The following CSMD1 variants were observed in gnomAD, a reference collection of about 807,000 sequenced individuals.
The protein encoded by CSMD1 is CUB and sushi domain-containing protein 1.
A neutral mutation model predicts 417.5 loss-of-function variants in CSMD1; 213 were observed. That is an observed-to-expected ratio of 0.51 (90% CI 0.46 to 0.57). The LOEUF (loss-of-function observed/expected upper bound fraction) is 0.57. Among genes scored for constraint, CSMD1 ranks in the 20% least tolerant of loss-of-function variants. The pLI is 0.00. For synonymous variants in CSMD1, 2,862 were observed against 1,736.8 expected (o/e 1.65, Z -16.11); for missense variants, 6,923 against 4,529.7 (o/e 1.53, Z -15.17).
chr8:4,141,483 T>C (rs1473896713), intron 3 of CSMD1, among the ~76,000 whole-genome samples: 1 of 151,132 alleles, frequency 6.6e-6, no homozygotes, highest in Non-Finnish European at 1.5e-5. Flanking sequence ...CAATATGCCA[T>C]TTGGTCTTCA....
chr8:4,170,640 T>C (rs1037569372), intron 3 of CSMD1, among the ~76,000 whole-genome samples: 1 of 151,858 alleles, frequency 6.6e-6, no homozygotes, highest in Non-Finnish European at 1.5e-5. Context: ...ATTTGTTTTA[T>C]TACATTCACT....
chr8:3,019,608 G>A (rs1052070320), intron 51 of CSMD1, among the ~76,000 whole-genome samples: 2 of 152,164 alleles, frequency 1.3e-5, no homozygotes, highest in Non-Finnish European at 2.9e-5. Flanking sequence ...AAACTAAAAC[G>A]TGCATACAAA....
intron 1 of CSMD1, among the ~76,000 whole-genome samples, chr8:4,648,045 G>A (rs1209906525): frequency 6.6e-6 from 1 of 152,136 alleles, no homozygotes; most frequent in Non-Finnish European, 1.5e-5. Context: ...GTGGAAAAGT[G>A]TTTCTATTTC....
intron 3 of CSMD1, among the ~76,000 whole-genome samples, chr8:4,292,069 T>C (rs186314791): frequency 3.2e-4 from 48 of 152,124 alleles, no homozygotes; most frequent in Non-Finnish European, 1.0e-4. Flanking sequence ...GATCATTCAA[T>C]GAAAACACCA....
At chr8:4,964,582 G>A (rs375969522) in intron 1 of CSMD1, among the ~76,000 whole-genome samples, 74 of 149,734 alleles carry the variant, frequency 4.9e-4, no homozygotes, top group African/African-American at 1.8e-3. Flanking sequence ...AACCAAGAAG[G>A]ACAAGAAGGA....
At chr8:4,786,385 C>T (rs141221091) in intron 1 of CSMD1, among the ~76,000 whole-genome samples, 1 of 152,280 alleles carries the variant, frequency 6.6e-6, no homozygotes, top group Non-Finnish European at 1.5e-5. Context: ...GCAGAACATG[C>T]ATCGGTCAAG....
chr8:3,361,857 A>T (rs62504815), intron 20 of CSMD1, among the ~76,000 whole-genome samples: 7,052 of 152,180 alleles, frequency 0.046, 196 homozygotes, highest in Middle Eastern at 0.092. Flanking sequence ...CTGAAACAAC[A>T]CCATGAGGTT....
rs553229144 is a variant in CSMD1, at chr8:4,885,632, T to G, written c.85+108700A>C. Among the ~76,000 whole-genome samples the G allele has an allele frequency of 8.1e-4, 123 of 152,078 alleles. 2 individuals are homozygous for G. The highest frequency in any genetic ancestry group is 2.9e-3 in the African/African-American group (119 of 41,486). On this transcript the variant is annotated intron_variant, in intron 1 of 69. Coordinates refer to ENST00000635120, the MANE Select transcript of CSMD1 (RefSeq NM_033225.6). ...CTGTTGATATAGTATATCACATTAATAGATTTTCAGGTGTTGAATCAACCT... is the reference window on the plus strand; with the variant it reads ...CTGTTGATATAGTATATCACATTAAGAGATTTTCAGGTGTTGAATCAACCT...
intron 7 of CSMD1, among the ~76,000 whole-genome samples, chr8:3,617,842 C>T (rs920415318): frequency 3.3e-5 from 5 of 152,032 alleles, no homozygotes; most frequent in Non-Finnish European, 7.4e-5. Flanking sequence ...ATAGCTGATT[C>T]TATTATTTGT....
chr8:4,446,145 T>G (rs1324895432), intron 2 of CSMD1, among the ~76,000 whole-genome samples: 2 of 152,314 alleles, frequency 1.3e-5, no homozygotes. Context: ...TACGTGAGTT[T>G]TGAACTGAAA....
At chr8:2,989,859 G>C (rs1806225565) in intron 54 of CSMD1, among the ~76,000 whole-genome samples, 1 of 152,190 alleles carries the variant, frequency 6.6e-6, no homozygotes, top group African/African-American at 2.4e-5. Context: ...GATTGGGTGA[G>C]TCTTCCTAGC....
chr8:3,969,336 T>G (rs868128227), intron 5 of CSMD1, among the ~76,000 whole-genome samples: 1 of 152,184 alleles, frequency 6.6e-6, no homozygotes, highest in Admixed American at 6.5e-5. Context: ...CTCTCGCTAC[T>G]TGCTTCCTAA....
At chr8:4,216,663 G>C (rs1036686818) in intron 3 of CSMD1, among the ~76,000 whole-genome samples, 14 of 152,134 alleles carry the variant, frequency 9.2e-5, no homozygotes, top group African/African-American at 3.1e-4. Context: ...AAATGACTGA[G>C]TGAAGGGAAG....
rs1796805184 is a variant in CSMD1 at position 3,741,554 on chromosome 8, T to C, written c.931+12376A>G. Among the ~76,000 whole-genome samples, 3 of 152,256 alleles carry C rather than the reference T, an allele frequency of 2.0e-5. No individual in the cohort carries two copies. In the South Asian group the frequency reaches 6.2e-4, roughly 31 times the overall value. ...AGGCACATTTATTTCTATCCATTTA[T>C]GATATGCATTTTTTGACTTCAAGAT... On this transcript the variant is annotated intron_variant, in intron 6 of 69. Transcript: ENST00000635120.
At chr8:3,831,000 A>T (rs1802344886) in intron 5 of CSMD1, among the ~76,000 whole-genome samples, 1 of 152,108 alleles carries the variant, frequency 6.6e-6, no homozygotes, top group South Asian at 2.1e-4. Context: ...CTTCACCAAA[A>T]AATTTCTGCT....
At chr8:4,401,765 T>G (rs1306563369) in intron 3 of CSMD1, among the ~76,000 whole-genome samples, 1 of 152,110 alleles carries the variant, frequency 6.6e-6, no homozygotes, top group East Asian at 1.9e-4. Flanking sequence ...CTCTTGAACA[T>G]AGTCCCCGCA....
intron 1 of CSMD1, among the ~76,000 whole-genome samples, chr8:4,984,442 G>T (rs1013300803): frequency 2.0e-5 from 3 of 152,178 alleles, no homozygotes; most frequent in African/African-American, 7.2e-5. Context: ...GTCTGAGAAG[G>T]GTGGCCCTGA....
chr8:4,079,240 G>C (rs1383230793), intron 3 of CSMD1, among the ~76,000 whole-genome samples: 1 of 152,132 alleles, frequency 6.6e-6, no homozygotes, highest in Non-Finnish European at 1.5e-5. Context: ...TGAATGAGTA[G>C]ATATAGCCCA....
chr8:2,977,120 T>A (rs1332876115), intron 55 of CSMD1, among the ~76,000 whole-genome samples: 1 of 152,146 alleles, frequency 6.6e-6, no homozygotes, highest in Non-Finnish European at 1.5e-5. Context: ...TTATCTTTAT[T>A]TAAGTTCTGG....
Sources: allele counts gnomAD v4.1 joint callset (sites outside exome capture counted in the v4.1 genomes callset), GRCh38; gene constraint gnomAD v4.1.1; transcripts MANE v1.5; gene names NCBI Gene and HGNC (gene_info 2026-07-23, HGNC 2026-07-21).